GLI3: variants seen among roughly 807,000 people sequenced by gnomAD.
GLI3 encodes the protein GLI family zinc finger 3, also known as transcription activator GLI3.
A neutral mutation model predicts 100.8 loss-of-function variants in GLI3; 20 were observed. The ratio of observed to expected loss-of-function variants is 0.20; its 90% CI spans 0.14 to 0.29. The LOEUF is 0.29. Ranked by LOEUF, GLI3 falls within the 10% of genes least tolerant of loss-of-function variation. The probability of loss-of-function intolerance (pLI) is 1.00; values close to 1 mark genes in which losing one functional copy is unlikely to be tolerated. For missense variants in GLI3, 2,040 were observed against 2,128.5 expected, an observed-to-expected ratio of 0.96 and a Z score of 0.82; for synonymous variants, 938 against 860.5, an observed-to-expected ratio of 1.09 and a Z score of -1.58.
intron 10 of GLI3, among the ~76,000 whole-genome samples, chr7:42,012,966 C>T (rs1038080309): frequency 1.3e-5 from 2 of 152,178 alleles, no homozygotes; most frequent in African/African-American, 4.8e-5. Context: ...GTCACATGTG[C>T]TGAAGCACAA....
chr7:42,217,352 CAT>C (rs1399644612), intron 2 of GLI3, among the ~76,000 whole-genome samples: 1 of 152,186 alleles, frequency 6.6e-6, no homozygotes, highest in African/African-American at 2.4e-5. Flanking sequence ...GAGTTCAGGA[CAT>C]GTGAGTTTGG....
At chr7:42,045,592 G>A in intron 5 of GLI3, 62 bp from the exon 6 acceptor site, 1 of 1,511,138 alleles carries the variant, frequency 6.6e-7, no homozygotes. Flanking sequence ...AGTTTCTCTT[G>A]AGGCATCTCA....
In GLI3 at chr7:41,965,659, G is replaced by A. The variant is rs762389791; in HGVS notation, c.3414C>T (p.His1138=). ...CGAGGGCATGGAACTGCTGGCCAGC[G>A]TGGCTGTCTGGCAGCCCGGGCGCGT... is the stretch of plus-strand genomic sequence containing the variant. ...DFDAPGLPDS[H]AGQQFHALEQ... Residue 1138 remains histidine, a synonymous_variant, in exon 15 of 15, where the codon CAC becomes CAT. Transcript: ENST00000395925. 1.9e-6 allele frequency: 3 copies of A among 1,612,566 alleles called. No individual in the cohort carries two copies. Among genetic ancestry groups the A allele is most frequent in the Non-Finnish European group, 2.5e-6 (3 of 1,179,104 alleles).
intron 4 of GLI3, among the ~76,000 whole-genome samples, chr7:42,066,421 G>A (rs575837307): frequency 1.8e-4 from 27 of 152,184 alleles, no homozygotes; most frequent in Admixed American, 1.6e-3. Flanking sequence ...AATAACCTAA[G>A]TAACTAAAAA....
chr7:42,259,791 A>G (rs1375587651), intron 1 of GLI3, among the ~76,000 whole-genome samples: 1 of 152,246 alleles, frequency 6.6e-6, no homozygotes, highest in Non-Finnish European at 1.5e-5. Context: ...CCAAATCAAT[A>G]GCATATATAG....
In GLI3 at chr7:41,962,887, T is replaced by G. The variant is rs1444210987; in HGVS notation, c.*1443A>C. The stretch of plus-strand genomic sequence containing the variant: ...TTAATATTTTAACAGTTTATATAAT[T>G]TTTTAAAGCAATATGCTGGAAAATC... On this transcript the variant is annotated 3_prime_UTR_variant, in exon 15 of 15. Transcript: ENST00000395925. 1 of 152,218 alleles carries G rather than the reference T, an allele frequency of 6.6e-6. No homozygotes were observed. Among genetic ancestry groups the G allele is most frequent in the African/African-American group, 2.4e-5 (1 of 41,458 alleles). The allele number at this position is 152,218 out of a possible 1,614,324, so 9.4% of individuals were successfully genotyped here. A position where few individuals can be genotyped will look rare whatever the true frequency, so the allele number is the denominator to read the frequency against.
Position 41,963,177 on chromosome 7 carries a change from C to T in GLI3, c.*1153G>A, listed in dbSNP as rs1284001221. On this transcript the variant is annotated 3_prime_UTR_variant, in exon 15 of 15. Transcript: ENST00000395925. ...CTAAAAATGGCTGAAGCAATTTATT[C>T]CCACTATGTGGGCTTTCTCTTTTAC... is the stretch of plus-strand genomic sequence containing the variant. 1.3e-5 allele frequency: 2 copies of T among 152,172 alleles called. No individual in the cohort carries two copies. Among genetic ancestry groups the T allele is most frequent in the Non-Finnish European group, 2.9e-5 (2 of 68,034 alleles). The allele number at this position is 152,172 out of a possible 1,614,324, so 9.4% of individuals were successfully genotyped here. A position where few individuals can be genotyped will look rare whatever the true frequency, so the allele number is the denominator to read the frequency against.
At chr7:42,025,192 A>C in intron 9 of GLI3, 72 bp downstream of exon 9, 1 of 949,788 alleles carries the variant, frequency 1.1e-6, no homozygotes, top group South Asian at 1.3e-5. Flanking sequence ...TCTGGGGAGG[A>C]AGCGGGAGCT....
chr7:42,140,522 A>C (rs1198118797), intron 3 of GLI3, among the ~76,000 whole-genome samples: 1 of 152,238 alleles, frequency 6.6e-6, no homozygotes, highest in Non-Finnish European at 1.5e-5. Context: ...ATTGTAGGAT[A>C]GACCCAAATT....
rs1263837741 is a variant in GLI3, at chr7:42,048,650, T to C, written c.520A>G (p.Ile174Val). ...GGGTTCCGGTGTGGGGAGATCCTAA[T>C]GAAGGGCAGGTCCGGATACGTAGGG... is the stretch of plus-strand genomic sequence containing the variant. ...SSPTYPDLPFIRISPHRNPTA... is the reference protein window; with the variant it reads ...SSPTYPDLPFVRISPHRNPTA... The change falls in exon 5 of 15, where the codon ATT becomes GTT. Residue 174 changes from isoleucine (I) to valine (V), a missense_variant. This residue lies in a region of GLI3 where 603 missense variants were observed against 690.9 expected (regional missense o/e 0.87). Transcript: ENST00000395925. 4.3e-6 allele frequency: 7 copies of C among 1,609,940 alleles called. No homozygotes were observed. Among genetic ancestry groups the C allele is most frequent in the East Asian group, 4.5e-5 (2 of 44,766 alleles).
At chr7:42,077,815 G>C (rs1016787225) in intron 3 of GLI3, among the ~76,000 whole-genome samples, 1 of 152,088 alleles carries the variant, frequency 6.6e-6, no homozygotes, top group Non-Finnish European at 1.5e-5. Context: ...ATGAGTCAAG[G>C]TTTTCCCAAG....
Position 41,963,988 on chromosome 7 carries a change from C to T in GLI3, c.*342G>A. Reference sequence around the variant, plus strand: ...AAACATGTCAAATCCTTTAATTTGACTGCTCTTCTAAAAGAAAGAAGAATA... The same window carrying T: ...AAACATGTCAAATCCTTTAATTTGATTGCTCTTCTAAAAGAAAGAAGAATA... On this transcript the variant is annotated 3_prime_UTR_variant, in exon 15 of 15. Transcript: ENST00000395925. 4.6e-6 allele frequency: 1 copy of T among 215,958 alleles called. No individual in the cohort carries two copies. The highest frequency in any genetic ancestry group is 9.3e-6 in the Non-Finnish European group (1 of 107,464). The allele number at this position is 215,958 out of a possible 1,614,324, so 13.4% of individuals were successfully genotyped here. A position where few individuals can be genotyped will look rare whatever the true frequency, so the allele number is the denominator to read the frequency against.
chr7:42,216,306 G>A (rs1339863680), intron 2 of GLI3, among the ~76,000 whole-genome samples: 4 of 152,176 alleles, frequency 2.6e-5, no homozygotes, highest in Non-Finnish European at 4.4e-5. Flanking sequence ...CTCTCAAGAA[G>A]TTTAACTAAA....
At chr7:42,227,104 CT>C (rs1788595472) in intron 1 of GLI3, among the ~76,000 whole-genome samples, 1 of 152,298 alleles carries the variant, frequency 6.6e-6, no homozygotes, top group Admixed American at 6.5e-5. Context: ...ACTTCAAAGA[CT>C]TTTCCCTGAG....
At chr7:41,970,050 A>G (rs1253520911) in intron 13 of GLI3, among the ~76,000 whole-genome samples, 1 of 152,212 alleles carries the variant, frequency 6.6e-6, no homozygotes, top group Admixed American at 6.5e-5. Context: ...GTTCACTACC[A>G]AAAGTATCAC....
chr7:42,038,812 T>C (rs1191554945), intron 7 of GLI3, among the ~76,000 whole-genome samples: 2 of 152,200 alleles, frequency 1.3e-5, no homozygotes, highest in Non-Finnish European at 2.9e-5. Context: ...AAGACAACAG[T>C]ATTCATTATT....
chr7:42,035,142 T>C (rs1789403660), intron 7 of GLI3, among the ~76,000 whole-genome samples: 1 of 151,942 alleles, frequency 6.6e-6, no homozygotes, highest in Admixed American at 6.6e-5. Flanking sequence ...TCCAAATTTT[T>C]AGAAGACAGA....
intron 3 of GLI3, among the ~76,000 whole-genome samples, chr7:42,133,609 A>C (rs1477366916): frequency 6.8e-6 from 1 of 148,138 alleles, no homozygotes; most frequent in South Asian, 2.3e-4. Context: ...AGAGTTTCTA[A>C]TTAGAATCTT....
chr7:42,085,589 T>C (rs1193984481), intron 3 of GLI3, among the ~76,000 whole-genome samples: 1 of 152,180 alleles, frequency 6.6e-6, no homozygotes, highest in Non-Finnish European at 1.5e-5. Flanking sequence ...TGCATAAAAC[T>C]ATGGCCTTAT....
Sources: allele counts gnomAD v4.1 joint callset (sites outside exome capture counted in the v4.1 genomes callset), GRCh38; gene constraint gnomAD v4.1.1; regional missense constraint gnomAD v4.1.1; transcripts MANE v1.5; gene names NCBI Gene and HGNC (gene_info 2026-07-23, HGNC 2026-07-21).